Variants in OPCML observed in about 807,000 individuals in gnomAD.
OPCML encodes opioid-binding protein/cell adhesion molecule.
OPCML carries 13 observed loss-of-function variants against 37.8 expected under a neutral mutation model. That is an observed-to-expected ratio of 0.34 (90% CI 0.22 to 0.55). OPCML has a LOEUF of 0.55. Ranked by LOEUF, OPCML falls within the 20% of genes least tolerant of loss-of-function variation. OPCML has a pLI of 0.91. For synonymous variants in OPCML, 176 were observed against 168.8 expected, an observed-to-expected ratio of 1.04 and a Z score of -0.33; for missense variants, 341 against 435.6, an observed-to-expected ratio of 0.78 and a Z score of 1.93.
chr11:132,943,190 G>C lies in OPCML; in HGVS notation c.62-180C>G. On this transcript the variant is annotated intron_variant, in intron 1 of 7. Coordinates refer to ENST00000524381, the MANE Select transcript of OPCML (RefSeq NM_001012393.5). This position sits in a 1 kb window ranked among gnomAD's most constrained non-coding sequence, Gnocchi z 4.3. ...CTCGGGAAGCGGTGCGGGGAGGAGGGAAGGGGCAGAGTTCGCCAGGAGCAG... is the reference window on the plus strand; with the variant it reads ...CTCGGGAAGCGGTGCGGGGAGGAGGCAAGGGGCAGAGTTCGCCAGGAGCAG... 3 of 1,569,426 alleles carry C rather than the reference G, an allele frequency of 1.9e-6. No individual in the cohort carries two copies. The highest frequency in any genetic ancestry group is 2.6e-6 in the Non-Finnish European group (3 of 1,151,058).
intron 2 of OPCML, among the ~76,000 whole-genome samples, chr11:132,863,779 C>T (rs950395962): frequency 3.3e-5 from 5 of 152,184 alleles, no homozygotes; most frequent in African/African-American, 9.7e-5. Context: ...GGAATCTACA[C>T]GGGCCTGGCT....
intron 1 of OPCML, among the ~76,000 whole-genome samples, chr11:133,128,434 G>T (rs1949551911): frequency 6.6e-6 from 1 of 152,102 alleles, no homozygotes; most frequent in Non-Finnish European, 1.5e-5. Flanking sequence ...CTCCAGAAAG[G>T]GCTTCCTTTT....
intron 2 of OPCML, among the ~76,000 whole-genome samples, chr11:132,707,798 G>C (rs1385281812): frequency 2.0e-5 from 3 of 152,080 alleles, no homozygotes; most frequent in Non-Finnish European, 4.4e-5. Context: ...GTTCAGTTCT[G>C]GGTAGCACTC....
At chr11:133,428,266 T>C (rs1946044743) in intron 1 of OPCML, among the ~76,000 whole-genome samples, 1 of 152,226 alleles carries the variant, frequency 6.6e-6, no homozygotes, top group Non-Finnish European at 1.5e-5. Flanking sequence ...AATGTAAGGA[T>C]ACTTTCTTAA....
At chr11:133,431,302 C>A (rs1242672368) in intron 1 of OPCML, among the ~76,000 whole-genome samples, 1 of 152,016 alleles carries the variant, frequency 6.6e-6, no homozygotes, top group African/African-American at 2.4e-5. Flanking sequence ...AGAAAAGATG[C>A]AAAACTATAT....
chr11:133,418,696 T>C lies in OPCML; in HGVS notation c.61+113568A>G, dbSNP rs574291803. 3.0e-4 allele frequency among the ~76,000 whole-genome samples: 46 copies of C among 152,296 alleles called. 2 individuals carry two copies. The highest frequency in any genetic ancestry group is 1.9e-3 in the South Asian group (9 of 4,820). ...CCTTCCCCAAACTAAACTGCCTTTGTAAAATTAATGAAAGGCCACCAGTTT... is the reference window on the plus strand; with the variant it reads ...CCTTCCCCAAACTAAACTGCCTTTGCAAAATTAATGAAAGGCCACCAGTTT... On this transcript the variant is annotated intron_variant, in intron 1 of 7. Transcript: ENST00000524381.
At chr11:133,444,567 C>G (rs1946432255) in intron 1 of OPCML, among the ~76,000 whole-genome samples, 1 of 152,080 alleles carries the variant, frequency 6.6e-6, no homozygotes, top group South Asian at 2.1e-4. Context: ...CTAGGGTTAT[C>G]TTTTCTTGCT....
At position 133,233,349 on chromosome 11, in the gene OPCML, G is replaced by A. The variant is rs765580598; in HGVS notation, c.62-290339C>T. 8.9e-4 allele frequency among the ~76,000 whole-genome samples: 135 copies of A among 152,120 alleles called. 2 individuals carry two copies. Among genetic ancestry groups the A allele is most frequent in the Non-Finnish European group, 2.6e-4 (18 of 68,032 alleles). On this transcript the variant is annotated intron_variant, in intron 1 of 7. Coordinates refer to ENST00000524381, the MANE Select transcript of OPCML (RefSeq NM_001012393.5). ...AACTGGGAAACATCAGATGTGGGAA[G>A]GATTCTCTGCCATCCCCCTTTCTGT...
intron 2 of OPCML, among the ~76,000 whole-genome samples, chr11:132,734,003 T>A (rs1033743827): frequency 2.0e-5 from 3 of 152,224 alleles, no homozygotes; most frequent in Non-Finnish European, 4.4e-5. Flanking sequence ...AGTAAATTAC[T>A]TAAATTTTAT....
At chr11:132,425,070 T>G (rs975044888) in intron 7 of OPCML, among the ~76,000 whole-genome samples, 4 of 152,126 alleles carry the variant, frequency 2.6e-5, no homozygotes, top group African/African-American at 4.8e-5. Context: ...CATCCTGCAA[T>G]GGAGACGGGC....
intron 1 of OPCML, among the ~76,000 whole-genome samples, chr11:133,220,343 C>T (rs1592116591): frequency 6.6e-6 from 1 of 152,176 alleles, no homozygotes; most frequent in African/African-American, 2.4e-5. Context: ...GGCATTAACC[C>T]AAGAAGTCCA....
intron 1 of OPCML, chr11:133,418,519 T>C: frequency 1.0e-6 from 1 of 957,200 alleles, no homozygotes; most frequent in Non-Finnish European, 1.2e-6. Context: ...TGCAAAATTA[T>C]GACAGTAGGA....
intron 1 of OPCML, among the ~76,000 whole-genome samples, chr11:133,184,809 G>T (rs1006754321): frequency 2.6e-5 from 4 of 152,158 alleles, no homozygotes; most frequent in African/African-American, 9.7e-5. Context: ...CATTATACAG[G>T]ATATATGGAA....
chr11:132,942,768 C>A (rs993041434), intron 2 of OPCML, among the ~76,000 whole-genome samples, 158 bp downstream of exon 2: 3 of 152,186 alleles, frequency 2.0e-5, no homozygotes, highest in Non-Finnish European at 2.9e-5. Context: ...TCCAGGGGCA[C>A]GGCAGTCGGC....
intron 4 of OPCML, among the ~76,000 whole-genome samples, chr11:132,526,893 A>T (rs1168196663): frequency 6.6e-6 from 1 of 152,132 alleles, no homozygotes; most frequent in Non-Finnish European, 1.5e-5. Context: ...CTTCTCCCCT[A>T]ATCCCTACCC....
intron 1 of OPCML, among the ~76,000 whole-genome samples, chr11:133,345,892 C>A (rs1400765955): frequency 6.6e-6 from 1 of 152,142 alleles, no homozygotes; most frequent in African/African-American, 2.4e-5. Context: ...GTGGTGGCTG[C>A]AATGAACACA....
rs1308066161 is a variant in OPCML at position 133,340,625 on chromosome 11, TG to T, written c.61+191638del. ...GACTCTCTCTGTGTGTGTGTGTGTG[TG>T]TGTGTGTGTGTGTGTGTGTGTGTAA... On this transcript the variant is annotated intron_variant, in intron 1 of 7. Transcript: ENST00000524381. 8.7e-4 allele frequency among the ~76,000 whole-genome samples: 132 copies of T among 151,470 alleles called. 2 individuals carry two copies. The South Asian group carries it at 0.012, about 14-fold the overall frequency.
chr11:133,458,698 T>C (rs572667324), intron 1 of OPCML, among the ~76,000 whole-genome samples: 2 of 143,052 alleles, frequency 1.4e-5, no homozygotes, highest in African/African-American at 2.8e-5. Context: ...TGTGTATATA[T>C]ACACATAGAT....
chr11:132,430,473 G>A (rs1248912440), intron 7 of OPCML, among the ~76,000 whole-genome samples: 2 of 152,216 alleles, frequency 1.3e-5, no homozygotes, highest in Middle Eastern at 3.2e-3. Context: ...TAGAAGAATG[G>A]CCATTAGCAA....
Sources: allele counts gnomAD v4.1 joint callset (sites outside exome capture counted in the v4.1 genomes callset), GRCh38; gene constraint gnomAD v4.1.1; non-coding constraint Gnocchi (gnomAD v3.1); transcripts MANE v1.5; gene names NCBI Gene and HGNC (gene_info 2026-07-23, HGNC 2026-07-21).